Variants in NWD2 observed in about 807,000 individuals in gnomAD.
NWD2 encodes the protein NACHT and WD repeat domain-containing protein 2.
In NWD2, 37 loss-of-function variants were observed where a neutral mutation model predicts 132.7. The ratio of observed to expected loss-of-function variants is 0.28; its 90% confidence interval spans 0.21 to 0.37. The LOEUF is 0.37. Ranked by LOEUF, NWD2 falls within the 10% of genes least tolerant of loss-of-function variation. The probability of loss-of-function intolerance (pLI) is 1.00; values close to 1 mark genes in which losing one functional copy is unlikely to be tolerated. For synonymous variants in NWD2, 705 were observed against 803.0 expected (o/e 0.88, Z 2.06); for missense variants, 1,592 against 2,122.4 (o/e 0.75, Z 4.91).
rs568155854 is a variant in NWD2 at position 37,295,839 on chromosome 4, G to C, written c.152-30097G>C. On this transcript the variant is annotated intron_variant, in intron 1 of 6. Coordinates refer to ENST00000309447, the MANE Select transcript of NWD2 (RefSeq NM_001144990.2). ...GTACCACCATTTTTCTAGTCTTCACGCTGAAAGTATATTTCCTTAATGTTT... is the reference window on the plus strand; with the variant it reads ...GTACCACCATTTTTCTAGTCTTCACCCTGAAAGTATATTTCCTTAATGTTT... 2.6e-5 allele frequency among the ~76,000 whole-genome samples: 4 copies of C among 152,108 alleles called. No homozygotes were observed. The East Asian group carries it at 5.8e-4, about 22-fold the overall frequency.
At chr4:37,274,152 C>T (rs182367345) in intron 1 of NWD2, among the ~76,000 whole-genome samples, 26,469 of 151,608 alleles carry the variant, frequency 0.17, 2,646 homozygotes, top group South Asian at 0.32. Flanking sequence ...GCTGTTTTTT[C>T]TTAAAGATCA....
intron 1 of NWD2, among the ~76,000 whole-genome samples, chr4:37,314,181 C>T (rs1718911658): frequency 1.3e-5 from 2 of 152,160 alleles, no homozygotes; most frequent in African/African-American, 2.4e-5. Context: ...TGCAGCTAGA[C>T]TTAGTTTACT....
chr4:37,433,934 T>C lies in NWD2; in HGVS notation c.620T>C (p.Ile207Thr). Residue 207 changes from isoleucine to threonine, a missense_variant, in exon 5 of 7, where the codon ATC (isoleucine) becomes ACC (threonine). By Grantham distance (89) the Ile-to-Thr change is moderately conservative. This residue lies in a region of NWD2 where 144 missense variants were observed against 185.7 expected (regional missense o/e 0.78). Transcript: ENST00000309447. ...ACATGGCAAGAGATATCAGATGAGA[T>C]CAAGAAGATATTTAAGGCTGCTGTA... is the stretch of plus-strand genomic sequence containing the variant. ...EKTWQEISDE[I>T]KKIFKAAVKL... 2 of 1,549,368 alleles carry C rather than the reference T, an allele frequency of 1.3e-6. No individual in the cohort carries two copies. The highest frequency in any genetic ancestry group is 1.7e-6 in the Non-Finnish European group (2 of 1,145,336).
intron 2 of NWD2, among the ~76,000 whole-genome samples, chr4:37,336,171 C>T (rs1719402537): frequency 1.3e-5 from 2 of 152,012 alleles, no homozygotes; most frequent in African/African-American, 2.4e-5. Flanking sequence ...AGGTCATTTC[C>T]AAATATTTCA....
At chr4:37,292,565 A>G (rs1718387490) in intron 1 of NWD2, among the ~76,000 whole-genome samples, 2 of 152,148 alleles carry the variant, frequency 1.3e-5, no homozygotes, top group Admixed American at 1.3e-4. Flanking sequence ...TGAATGGGCT[A>G]AGAACTTTAC....
At position 37,447,261 on chromosome 4, in the gene NWD2, G is replaced by A. The variant is rs1307994339; in HGVS notation, c.*44G>A. On this transcript the variant is annotated 3_prime_UTR_variant, in exon 7 of 7. Transcript: ENST00000309447. ...AGCAGAAATATGTGATCCACGTACA[G>A]AAGGGAAAAAAATGTGCCCCAAATG... 1.4e-6 allele frequency: 2 copies of A among 1,428,354 alleles called. No individual in the cohort carries two copies. Among genetic ancestry groups the A allele is most frequent in the Admixed American group, 5.0e-5 (2 of 40,312 alleles). The allele number at this position is 1,428,354 out of a possible 1,614,324, so 88.5% of individuals were successfully genotyped here.
At chr4:37,351,606 G>T (rs1719764689) in intron 2 of NWD2, among the ~76,000 whole-genome samples, 1 of 150,748 alleles carries the variant, frequency 6.6e-6, no homozygotes, top group African/African-American at 2.4e-5. Flanking sequence ...TATCAATTTT[G>T]TTAATCTTTT....
chr4:37,446,457 G>A lies in NWD2; in HGVS notation c.4469G>A (p.Cys1490Tyr), dbSNP rs1055927320. Residue 1490 changes from cysteine to tyrosine, a missense_variant, in exon 7 of 7, where the codon TGT becomes TAT. By Grantham distance (194) the Cys-to-Tyr change is radical. Coordinates refer to ENST00000309447, the MANE Select transcript of NWD2 (RefSeq NM_001144990.2). The surrounding 1 kb of genome is among the most constrained non-coding windows in gnomAD (Gnocchi z 6.7). ...TIVNFKLIPD[C>Y]PDIIVFITSA... Reference sequence around the variant, plus strand: ...GTGAATTTTAAATTAATCCCTGACTGTCCTGATATCATCGTGTTTATCACA... The same window carrying A: ...GTGAATTTTAAATTAATCCCTGACTATCCTGATATCATCGTGTTTATCACA... 3 of 1,551,724 alleles carry A rather than the reference G, an allele frequency of 1.9e-6. No individual in the cohort carries two copies. The highest frequency in any genetic ancestry group is 2.6e-6 in the Non-Finnish European group (3 of 1,147,008).
At chr4:37,430,865 G>T in intron 4 of NWD2, 90 bp downstream of exon 4, 3 of 1,180,850 alleles carry the variant, frequency 2.5e-6, no homozygotes, top group Non-Finnish European at 3.6e-6. Flanking sequence ...CACAGAAAAG[G>T]CAGAGTAGAC....
chr4:37,443,250 A>G lies in NWD2; in HGVS notation c.1297-35A>G, dbSNP rs751884123. 2.7e-6 allele frequency: 4 copies of G among 1,497,942 alleles called. No homozygotes were observed. The highest frequency in any genetic ancestry group is 2.0e-5 in the Admixed American group (1 of 50,276). The allele number at this position is 1,497,942 out of a possible 1,614,324, so 92.8% of individuals were successfully genotyped here. On this transcript the variant is annotated intron_variant, in intron 6 of 6. Coordinates refer to ENST00000309447, the MANE Select transcript of NWD2 (RefSeq NM_001144990.2). The surrounding 1 kb of genome is among the most constrained non-coding windows in gnomAD (Gnocchi z 4.1). ...TTATCACATATGACCATGTGAATAC[A>G]TATTACCATTCTAAACTCCACTTTT...
At chr4:37,333,244 G>A (rs142514511) in intron 2 of NWD2, among the ~76,000 whole-genome samples, 13 of 152,270 alleles carry the variant, frequency 8.5e-5, no homozygotes, top group Admixed American at 3.3e-4. Flanking sequence ...TTGAGTGAAC[G>A]TAGGCAGTAG....
intron 6 of NWD2, among the ~76,000 whole-genome samples, chr4:37,442,620 C>A (rs1014661927): frequency 2.6e-5 from 4 of 152,120 alleles, no homozygotes; most frequent in Admixed American, 1.3e-4. Context: ...TTACAAAGCA[C>A]AACGTTTAAC....
intron 3 of NWD2, among the ~76,000 whole-genome samples, chr4:37,394,813 T>TTTTTG (rs2109313112): frequency 8.4e-6 from 1 of 119,600 alleles, no homozygotes; most frequent in Admixed American, 8.5e-5. Context: ...TTTTTTTTTT[T>TTTTTG]TTTTTTTTTT....
At chr4:37,417,892 ATAAT>A (rs1487125120) in intron 3 of NWD2, among the ~76,000 whole-genome samples, 1 of 152,188 alleles carries the variant, frequency 6.6e-6, no homozygotes, top group African/African-American at 2.4e-5. Flanking sequence ...ATTAAGATTA[ATAAT>A]TTAATATACA....
At chr4:37,423,333 C>T (rs985383584) in intron 3 of NWD2, among the ~76,000 whole-genome samples, 9 of 152,124 alleles carry the variant, frequency 5.9e-5, no homozygotes, top group Non-Finnish European at 1.3e-4. Context: ...TTTCCCATCT[C>T]CCCCTGTATT....
intron 1 of NWD2, among the ~76,000 whole-genome samples, chr4:37,275,107 G>T (rs1162633486): frequency 6.6e-6 from 1 of 152,112 alleles, no homozygotes; most frequent in African/African-American, 2.4e-5. Context: ...AGGAAATAAA[G>T]GGTATTCAAT....
intron 2 of NWD2, among the ~76,000 whole-genome samples, chr4:37,346,739 A>G (rs1719645462): frequency 6.6e-6 from 1 of 152,054 alleles, no homozygotes; most frequent in Non-Finnish European, 1.5e-5. Flanking sequence ...TCTTTTGTTA[A>G]ATTTATTCCT....
In NWD2 at chr4:37,445,619, A is replaced by G. The variant is rs1212272396; in HGVS notation, c.3631A>G (p.Ser1211Gly). ...QSAVLICKAL[S>G]IELLDTGLWK... is the part of the protein sequence containing the mutation. ...TGCAGTTCTGATCTGTAAAGCCCTC[A>G]GCATTGAGCTCTTAGATACTGGTCT... The change falls in exon 7 of 7, where the codon AGC (serine) becomes GGC (glycine). Residue 1211 changes from serine (S) to glycine (G), a missense_variant. This residue lies in a region of NWD2 where 1,071 missense variants were observed against 1,398.0 expected (regional missense o/e 0.77). Transcript: ENST00000309447. This position sits in a 1 kb window ranked among gnomAD's most constrained non-coding sequence, Gnocchi z 4.7. The G allele has an allele frequency of 4.5e-6, 7 of 1,552,210 alleles. No individual in the cohort carries two copies. Among genetic ancestry groups the G allele is most frequent in the African/African-American group, 2.7e-5 (2 of 73,064 alleles).
chr4:37,442,363 A>G (rs1712508961), intron 6 of NWD2, among the ~76,000 whole-genome samples: 1 of 152,218 alleles, frequency 6.6e-6, no homozygotes, highest in African/African-American at 2.4e-5. Flanking sequence ...CAGAAAGACT[A>G]AACTTAGTGG....
Sources: gnomAD v4.1 joint callset for allele counts (sites outside exome capture counted in the v4.1 genomes callset) on GRCh38, gnomAD v4.1.1 for gene constraint, gnomAD v4.1.1 regional missense constraint, Gnocchi (gnomAD v3.1) non-coding constraint, MANE v1.5 for transcripts, NCBI Gene and HGNC (gene_info 2026-07-23, HGNC 2026-07-21) for gene names.